RASGEF1A: variants seen among roughly 807,000 people sequenced by gnomAD.
The protein encoded by RASGEF1A is ras-GEF domain-containing family member 1A.
In RASGEF1A, 18 loss-of-function variants were observed where a neutral mutation model predicts 56.4. The observed-to-expected ratio is 0.32, with a 90% CI of 0.22 to 0.47. The LOEUF is 0.47. Ranked by LOEUF, RASGEF1A falls within the 20% of genes least tolerant of loss-of-function variation. The probability of loss-of-function intolerance (pLI) is 1.00; values close to 1 mark genes in which losing one functional copy is unlikely to be tolerated. For synonymous variants in RASGEF1A, 245 were observed against 242.6 expected, an observed-to-expected ratio of 1.01 and a Z score of -0.09; for missense variants, 422 against 627.1, an observed-to-expected ratio of 0.67 and a Z score of 3.49.
chr10:43,225,285 TTCTGTGTGTCTGTGTCTTTGTGTGTG>T (rs1252518269), intron 1 of RASGEF1A, among the ~76,000 whole-genome samples: 6 of 140,286 alleles, frequency 4.3e-5, no homozygotes, highest in Non-Finnish European at 7.8e-5. Flanking sequence ...GTCTGTGTGT[TTCTGTGTGTCTGTGTCTTTGTGTGTG>T]TCTGTGTGTC....
intron 5 of RASGEF1A, 80 bp from the exon 6 acceptor site, chr10:43,200,336 AGAG>A (rs1476642841): frequency 4.6e-6 from 6 of 1,292,006 alleles, no homozygotes; most frequent in South Asian, 3.8e-5. Context: ...GCGGACAGGG[AGAG>A]GAGGAGCTGC....
chr10:43,200,378 A>G, intron 5 of RASGEF1A, 122 bp from the exon 6 acceptor site: 1 of 828,558 alleles, frequency 1.2e-6, no homozygotes, highest in Non-Finnish European at 1.9e-6. Context: ...ACCTCCTCCC[A>G]GGCCAGTCCT....
Position 43,196,547 on chromosome 10 carries a change from A to T in RASGEF1A, c.1350T>A (p.Ala450=). 6.2e-7 allele frequency: 1 copy of T among 1,613,400 alleles called. No individual in the cohort carries two copies. The highest frequency in any genetic ancestry group is 8.5e-7 in the Non-Finnish European group (1 of 1,179,960). ...CACTTTCAAAGGAGGCGACGAAGAG[A>T]GCTGAGAGATGGGAAAGTCCCTCAG... The part of the protein sequence containing the change: ...LLTAPIYSEE[A]LFVASFESEG... The change falls in exon 12 of 13, where the codon GCT becomes GCA. Residue 450 remains alanine (A), a splice_region_variant and synonymous_variant. Transcript: ENST00000395810. The surrounding 1 kb of genome is among the most constrained non-coding windows in gnomAD (Gnocchi z 4.6).
intron 1 of RASGEF1A, among the ~76,000 whole-genome samples, chr10:43,249,353 T>G (rs1462638522): frequency 3.3e-5 from 5 of 152,194 alleles, no homozygotes; most frequent in Admixed American, 3.3e-4. Flanking sequence ...CCATCCACTC[T>G]CCAATGCAGG....
Position 43,242,944 on chromosome 10 carries a change from G to T in RASGEF1A, c.-7+23901C>A, listed in dbSNP as rs187988131. Among the ~76,000 whole-genome samples, 161 of 152,228 alleles carry T rather than the reference G, an allele frequency of 1.1e-3. 2 individuals are homozygous for T. In the East Asian group the frequency reaches 0.024, roughly 22 times the overall value. Reference sequence around the variant, plus strand: ...AGTGCTAAGATTACAGCCTCTGCCCGCCCGCCACCCCGTCTAGGAAGTGAG... The same window carrying T: ...AGTGCTAAGATTACAGCCTCTGCCCTCCCGCCACCCCGTCTAGGAAGTGAG... On this transcript the variant is annotated intron_variant, in intron 1 of 12. Transcript: ENST00000395810.
chr10:43,224,381 A>T (rs1342376871), intron 1 of RASGEF1A, among the ~76,000 whole-genome samples: 1 of 152,230 alleles, frequency 6.6e-6, no homozygotes, highest in Non-Finnish European at 1.5e-5. Flanking sequence ...CATCAGTAAA[A>T]TGAACTCAGC....
chr10:43,208,616 T>A (rs1840027706), intron 1 of RASGEF1A: 1 of 985,528 alleles, frequency 1.0e-6, no homozygotes, highest in African/African-American at 1.7e-5. Flanking sequence ...CGCACTGACC[T>A]GAGAGGTGGG....
At chr10:43,243,438 C>T (rs1253137376) in intron 1 of RASGEF1A, among the ~76,000 whole-genome samples, 5 of 150,054 alleles carry the variant, frequency 3.3e-5, no homozygotes, top group Non-Finnish European at 7.4e-5. Context: ...GGCGTCTCTG[C>T]CCGGCCACCC....
chr10:43,256,094 G>A lies in RASGEF1A; in HGVS notation c.-7+10751C>T, dbSNP rs145491436. ...AGCCTAGGGGGAGCACTGTGCAGGA[G>A]GAGGCCCCCAGGGGACCCAGAGTGA... On this transcript the variant is annotated intron_variant, in intron 1 of 12. Transcript: ENST00000395810. 4.4e-3 allele frequency among the ~76,000 whole-genome samples: 663 copies of A among 152,296 alleles called. 2 individuals carry two copies. The highest frequency in any genetic ancestry group is 8.0e-3 in the Non-Finnish European group (542 of 68,004).
chr10:43,254,743 G>A (rs1840668740), intron 1 of RASGEF1A, among the ~76,000 whole-genome samples: 1 of 152,160 alleles, frequency 6.6e-6, no homozygotes, highest in South Asian at 2.1e-4. Context: ...GAGGTAAAAC[G>A]GGTCTCTGTG....
At chr10:43,200,113 AC>A in intron 6 of RASGEF1A, 68 bp downstream of exon 6, 1 of 1,320,756 alleles carries the variant, frequency 7.6e-7, no homozygotes, top group Non-Finnish European at 1.1e-6. Flanking sequence ...GCCCACACCC[AC>A]CCTGCATGGA....
intron 1 of RASGEF1A, chr10:43,229,760 C>A: frequency 1.5e-6 from 2 of 1,307,296 alleles, no homozygotes; most frequent in Non-Finnish European, 1.9e-6. Flanking sequence ...CCGGCCCCTG[C>A]CGCTGGACGC....
intron 1 of RASGEF1A, chr10:43,207,139 G>A: frequency 1.0e-6 from 1 of 985,452 alleles, no homozygotes; most frequent in Non-Finnish European, 1.2e-6. Flanking sequence ...GGCCAGAGGT[G>A]GCCTGCCTGT....
At chr10:43,243,068 C>G (rs915921891) in intron 1 of RASGEF1A, among the ~76,000 whole-genome samples, 11 of 151,744 alleles carry the variant, frequency 7.2e-5, no homozygotes, top group African/African-American at 1.2e-4. Context: ...CCGGCCGCCA[C>G]CCCATCTAGA....
At chr10:43,230,681 G>A (rs1295878304) in intron 1 of RASGEF1A, among the ~76,000 whole-genome samples, 2 of 152,188 alleles carry the variant, frequency 1.3e-5, no homozygotes, top group Non-Finnish European at 2.9e-5. Context: ...CAAGCCACGG[G>A]CTGATGGACA....
rs555349840 is a variant in RASGEF1A at position 43,211,856 on chromosome 10, G to A, written c.-6-5734C>T. Among the ~76,000 whole-genome samples, 13 of 152,326 alleles carry A rather than the reference G, an allele frequency of 8.5e-5. No individual in the cohort carries two copies. In the East Asian group the frequency reaches 2.5e-3, roughly 29 times the overall value. ...TGGGTGGCCCTAAGCCTGCTTCCTC[G>A]GCTGGACACTGGGTGTGGAATGTCT... On this transcript the variant is annotated intron_variant, in intron 1 of 12. Coordinates refer to ENST00000395810, the MANE Select transcript of RASGEF1A (RefSeq NM_145313.4).
At chr10:43,215,719 A>C (rs1482789494) in intron 1 of RASGEF1A, among the ~76,000 whole-genome samples, 3 of 152,302 alleles carry the variant, frequency 2.0e-5, no homozygotes, top group Non-Finnish European at 4.4e-5. Flanking sequence ...CCAGGGGAAA[A>C]AAACAGGGTT....
At chr10:43,201,124 C>CA (rs1255784835) in intron 4 of RASGEF1A, among the ~76,000 whole-genome samples, 1 of 152,200 alleles carries the variant, frequency 6.6e-6, no homozygotes, top group Non-Finnish European at 1.5e-5. Flanking sequence ...AGGCTAAGGG[C>CA]AGAGACAGGC....
intron 1 of RASGEF1A, among the ~76,000 whole-genome samples, chr10:43,211,337 TAA>T (rs1279701219): frequency 1.3e-5 from 2 of 152,144 alleles, no homozygotes; most frequent in East Asian, 1.9e-4. Context: ...TATCTGAGCC[TAA>T]GTCTTCCTGG....
Sources: allele counts gnomAD v4.1 joint callset (sites outside exome capture counted in the v4.1 genomes callset), GRCh38; gene constraint gnomAD v4.1.1; non-coding constraint Gnocchi (gnomAD v3.1); transcripts MANE v1.5; gene names NCBI Gene and HGNC (gene_info 2026-07-23, HGNC 2026-07-21).